Variants in ANKRD6 observed in about 807,000 individuals in gnomAD.
The protein encoded by ANKRD6 is ankyrin repeat domain-containing protein 6.
In ANKRD6, 56 loss-of-function variants were observed where a neutral mutation model predicts 82.3. The ratio of observed to expected loss-of-function variants is 0.68; its 90% CI spans 0.55 to 0.85. The LOEUF is 0.85. Ranked by LOEUF, ANKRD6 falls within the 40% of genes least tolerant of loss-of-function variation. ANKRD6 has a pLI of 0.00. For synonymous variants in ANKRD6, 347 were observed against 352.1 expected (o/e 0.99, Z 0.16); for missense variants, 852 against 907.6 (o/e 0.94, Z 0.79).
At chr6:89,540,165 G>C (rs1784302967) in intron 1 of ANKRD6, among the ~76,000 whole-genome samples, 1 of 152,134 alleles carries the variant, frequency 6.6e-6, no homozygotes, top group Non-Finnish European at 1.5e-5. Flanking sequence ...GGGATTGCTG[G>C]ATCATATCGT....
chr6:89,479,141 G>C (rs1009102310), intron 1 of ANKRD6, among the ~76,000 whole-genome samples: 1 of 152,160 alleles, frequency 6.6e-6, no homozygotes, highest in Non-Finnish European at 1.5e-5. Context: ...AAGAACCCTG[G>C]GGTTGTGCAA....
At chr6:89,473,084 C>G (rs1305958438) in intron 1 of ANKRD6, among the ~76,000 whole-genome samples, 3 of 151,922 alleles carry the variant, frequency 2.0e-5, no homozygotes, top group African/African-American at 7.3e-5. Context: ...TGCTGTAGGT[C>G]TAGAGAATTT....
At chr6:89,545,304 T>C (rs943615191) in intron 1 of ANKRD6, among the ~76,000 whole-genome samples, 1 of 152,112 alleles carries the variant, frequency 6.6e-6, no homozygotes, top group Non-Finnish European at 1.5e-5. Context: ...CTGGGACTTG[T>C]CCACCAAATG....
chr6:89,593,907 C>T (rs939132178), intron 2 of ANKRD6, among the ~76,000 whole-genome samples: 1 of 152,144 alleles, frequency 6.6e-6, no homozygotes, highest in Admixed American at 6.6e-5. Context: ...GATGTGGCAC[C>T]TTGGGAGCCG....
intron 2 of ANKRD6, among the ~76,000 whole-genome samples, chr6:89,576,688 CCCTGA>C (rs1271414106): frequency 2.6e-5 from 4 of 152,132 alleles, no homozygotes; most frequent in African/African-American, 9.7e-5. Flanking sequence ...GCACTCCTAT[CCCTGA>C]AGCTCCCGTT....
At chr6:89,452,213 G>T (rs1340919878) in intron 1 of ANKRD6, among the ~76,000 whole-genome samples, 1 of 152,202 alleles carries the variant, frequency 6.6e-6, no homozygotes, top group African/African-American at 2.4e-5. Context: ...TATATGCTAT[G>T]AATTTACTAG....
chr6:89,622,952 T>C (rs946063160), intron 10 of ANKRD6, among the ~76,000 whole-genome samples: 1 of 148,976 alleles, frequency 6.7e-6, no homozygotes, highest in African/African-American at 2.5e-5. Context: ...AGAAATATGA[T>C]ATTTTTTCAT....
intron 2 of ANKRD6, among the ~76,000 whole-genome samples, chr6:89,578,052 A>G (rs2128106952): frequency 6.6e-6 from 1 of 152,326 alleles, no homozygotes; most frequent in South Asian, 2.1e-4. Flanking sequence ...ATAGAGGGTG[A>G]GCCCCCCAGA....
intron 1 of ANKRD6, among the ~76,000 whole-genome samples, chr6:89,459,266 C>G (rs1036228619): frequency 2.6e-5 from 4 of 151,936 alleles, no homozygotes; most frequent in Non-Finnish European, 5.9e-5. Context: ...TTAGTAGAGA[C>G]GGAGTTTCTC....
At chr6:89,628,622 TAGTC>T (rs1202714516) in intron 14 of ANKRD6, among the ~76,000 whole-genome samples, 3 of 151,894 alleles carry the variant, frequency 2.0e-5, no homozygotes, top group Non-Finnish European at 2.9e-5. Flanking sequence ...ACAAAAAACT[TAGTC>T]AGGCGTGGTG....
At chr6:89,509,302 T>C (rs1051363657) in intron 1 of ANKRD6, 24 of 152,142 alleles carry the variant, frequency 1.6e-4, no homozygotes, top group African/African-American at 5.8e-4. Context: ...CATCCTTTAT[T>C]GGCAAAGAAC....
chr6:89,597,466 C>G (rs974229537), intron 3 of ANKRD6, among the ~76,000 whole-genome samples: 6 of 152,320 alleles, frequency 3.9e-5, no homozygotes, highest in African/African-American at 1.4e-4. Flanking sequence ...GCCACAGTGG[C>G]AAGGCCAAAA....
chr6:89,541,949 G>A (rs1784495207), intron 1 of ANKRD6, among the ~76,000 whole-genome samples: 1 of 151,802 alleles, frequency 6.6e-6, no homozygotes, highest in Non-Finnish European at 1.5e-5. Flanking sequence ...GATAAATAAT[G>A]TGTATAGCTT....
At chr6:89,561,155 G>T (rs1787355500) in intron 1 of ANKRD6, 1 of 152,174 alleles carries the variant, frequency 6.6e-6, no homozygotes, top group Admixed American at 6.5e-5. Context: ...GCTTTTCTTG[G>T]AAGGGTATGT....
intron 6 of ANKRD6, among the ~76,000 whole-genome samples, 158 bp from the exon 7 acceptor site, chr6:89,613,634 G>A (rs955036119): frequency 2.0e-5 from 3 of 152,214 alleles, no homozygotes; most frequent in Non-Finnish European, 2.9e-5. Context: ...AAAGAATGGC[G>A]AGCCTTGGGG....
intron 1 of ANKRD6, among the ~76,000 whole-genome samples, chr6:89,537,001 A>G (rs1783916926): frequency 6.6e-6 from 1 of 152,128 alleles, no homozygotes; most frequent in African/African-American, 2.4e-5. Flanking sequence ...TTTTAAAGCA[A>G]TTGCAAGTAG....
chr6:89,568,410 A>C (rs1027205482), intron 2 of ANKRD6: 1 of 152,228 alleles, frequency 6.6e-6, no homozygotes. Flanking sequence ...TTTTTTCTAT[A>C]CATAGACTTA....
chr6:89,475,616 C>T (rs1775952580), intron 1 of ANKRD6, among the ~76,000 whole-genome samples: 1 of 152,170 alleles, frequency 6.6e-6, no homozygotes, highest in Non-Finnish European at 1.5e-5. Context: ...GATCTCTCTC[C>T]ATAGCTTTTC....
intron 1 of ANKRD6, among the ~76,000 whole-genome samples, chr6:89,450,778 A>G (rs1772714401): frequency 6.6e-6 from 1 of 151,986 alleles, no homozygotes; most frequent in Admixed American, 6.6e-5. Context: ...TGGGGGTTAC[A>G]GGCGTGAGCC....
Sources: gnomAD v4.1 joint callset for allele counts (sites outside exome capture counted in the v4.1 genomes callset) on GRCh38, gnomAD v4.1.1 for gene constraint, MANE v1.5 for transcripts, NCBI Gene and HGNC (gene_info 2026-07-23, HGNC 2026-07-21) for gene names.